TEPSIN: variants seen among roughly 807,000 people sequenced by gnomAD.
TEPSIN encodes the protein TEPSIN adaptor related protein complex 4 accessory protein.
TEPSIN carries 50 observed loss-of-function variants against 48.5 expected under a neutral mutation model. The ratio of observed to expected loss-of-function variants is 1.03; its 90% CI spans 0.82 to 1.31. The LOEUF (loss-of-function observed/expected upper bound fraction) is 1.31, where lower values mean the gene tolerates loss of function less well. Ranked by LOEUF, TEPSIN falls within the 50% of genes most tolerant of loss-of-function variation. The pLI is 0.00. For missense variants in TEPSIN, 838 were observed against 815.9 expected (o/e 1.03, Z -0.33); for synonymous variants, 392 against 358.8 (o/e 1.09, Z -1.05).
chr17:81,233,631 C>T lies in TEPSIN; in HGVS notation c.454+7G>A. 1 of 1,596,592 alleles carries T rather than the reference C, an allele frequency of 6.3e-7. No homozygotes were observed. Among genetic ancestry groups the T allele is most frequent in the Non-Finnish European group, 8.5e-7 (1 of 1,173,170 alleles). On this transcript the variant is annotated splice_region_variant and intron_variant, in intron 6 of 12. Coordinates refer to ENST00000637944, the MANE Select transcript of TEPSIN (RefSeq NM_001363764.2). This position sits in a 1 kb window ranked among gnomAD's most constrained non-coding sequence, Gnocchi z 5.8. ...CAGAGCTGGACACGGTCCCCTCAGT[C>T]ACCTACCTGTGGCAGGCGGGGTCCC... is the stretch of plus-strand genomic sequence containing the variant.
At position 81,229,408 on chromosome 17, in the gene TEPSIN, G is replaced by A. The variant is rs1377494312; in HGVS notation, c.1302C>T (p.Gly434=). The A allele has an allele frequency of 3.8e-5, 59 of 1,550,548 alleles. 1 individual carries two copies. The highest frequency in any genetic ancestry group is 4.8e-5 in the Non-Finnish European group (55 of 1,147,326). Residue 434 remains glycine (G), a synonymous_variant, in exon 13 of 13, where the codon GGC becomes GGT. Transcript: ENST00000637944. ...SPARGTSAEP[G]PTAALPGPSD... is the part of the protein sequence containing the mutation. Reference sequence around the variant, plus strand: ...ATGGGCCTGGGAGGGCGGCTGTGGGGCCAGGCTCAGCTGAGGTGCCCCGGG... The same window carrying A: ...ATGGGCCTGGGAGGGCGGCTGTGGGACCAGGCTCAGCTGAGGTGCCCCGGG...
At chr17:81,232,558 C>T (rs954496476) in intron 7 of TEPSIN, 40 bp from the exon 8 acceptor site, 17 of 1,501,354 alleles carry the variant, frequency 1.1e-5, no homozygotes, top group East Asian at 7.5e-5. Flanking sequence ...CCGCCCAGTG[C>T]GGCCCCCACC....
chr17:81,232,778 T>G, intron 7 of TEPSIN: 1 of 473,514 alleles, frequency 2.1e-6, no homozygotes, highest in South Asian at 3.5e-5. Flanking sequence ...CCTCTGGGGG[T>G]GAAGGTGTCC....
In TEPSIN at chr17:81,230,473, C is replaced by T; in HGVS notation, c.1233+71G>A. ...CAGGCGCCGGGCAGGGACGGGGTGG[C>T]CGTGGACTGCAGCGTATCTCCCACT... On this transcript the variant is annotated intron_variant, in intron 12 of 12. Transcript: ENST00000637944. The surrounding 1 kb of genome is among the most constrained non-coding windows in gnomAD (Gnocchi z 4.2). The T allele has an allele frequency of 2.5e-6, 4 of 1,574,410 alleles. No individual in the cohort carries two copies. Among genetic ancestry groups the T allele is most frequent in the Admixed American group, 1.7e-5 (1 of 57,912 alleles).
Position 81,232,329 on chromosome 17 carries a change from A to C in TEPSIN, c.716T>G (p.Ile239Ser), listed in dbSNP as rs2062631806. 1 of 1,529,618 alleles carries C rather than the reference A, an allele frequency of 6.5e-7. No homozygotes were observed. Among genetic ancestry groups the C allele is most frequent in the South Asian group, 1.2e-5 (1 of 83,792 alleles). The allele number at this position is 1,529,618 out of a possible 1,614,324, so 94.8% of individuals were successfully genotyped here. ...PTLGNLLPGA[I>S]PGPRAVRHQP... ...CGCCTCGATACCTCGGGGACCTGGA[A>C]TGGCCCCGGGGAGTAGGTTCCCCAG... is the stretch of plus-strand genomic sequence containing the variant. Residue 239 changes from isoleucine (I) to serine (S), a missense_variant, in exon 8 of 13, where the codon ATT (isoleucine) becomes AGT (serine). Coordinates refer to ENST00000637944, the MANE Select transcript of TEPSIN (RefSeq NM_001363764.2).
rs1172733326 is a variant in TEPSIN, at chr17:81,231,644, A to G, written c.953T>C (p.Val318Ala). The G allele has an allele frequency of 6.2e-7, 1 of 1,613,068 alleles. No homozygotes were observed. The highest frequency in any genetic ancestry group is 2.2e-5 in the East Asian group (1 of 44,848). ...GCGTGGTCCCCGAGTCACAGTCCTC[A>G]CCAAGCTCAACTCCTGCTGACAGTC... ...LSDCQQELSL[V>A]RTVTRGPRAF... is the part of the protein sequence containing the mutation. Residue 318 changes from valine (V) to alanine (A), a missense_variant, in exon 10 of 13, where the codon GTG becomes GCG. Physicochemically the swap from Val to Ala is moderately conservative, Grantham distance 64. Coordinates refer to ENST00000637944, the MANE Select transcript of TEPSIN (RefSeq NM_001363764.2).
chr17:81,233,502 G>A lies in TEPSIN; in HGVS notation c.456C>T (p.Gly152=). 1 of 1,598,410 alleles carries A rather than the reference G, an allele frequency of 6.3e-7. No homozygotes were observed. Among genetic ancestry groups the A allele is most frequent in the Non-Finnish European group, 8.5e-7 (1 of 1,171,706 alleles). The change falls in exon 7 of 13, where the codon GGC becomes GGT. Residue 152 remains glycine (G), a splice_region_variant and synonymous_variant. Coordinates refer to ENST00000637944, the MANE Select transcript of TEPSIN (RefSeq NM_001363764.2). This position sits in a 1 kb window ranked among gnomAD's most constrained non-coding sequence, Gnocchi z 5.8. ...SQPLGTPPAT[G]MGSQARPHST... is the part of the protein sequence containing the mutation. ...TGTGCGGCCTGGCCTGGGAGCCCATGCCTGCAGAGGGTCCTCCGTTAGCAG... is the reference window on the plus strand; with the variant it reads ...TGTGCGGCCTGGCCTGGGAGCCCATACCTGCAGAGGGTCCTCCGTTAGCAG...
rs980980478 is a variant in TEPSIN, at chr17:81,233,940, A to T, written c.375+41T>A. ...GGCCCCAATCCCACCCCTCTACAGG[A>T]GGAGGGGCACCCCGCAGAGCGACAC... On this transcript the variant is annotated intron_variant, in intron 5 of 12. Coordinates refer to ENST00000637944, the MANE Select transcript of TEPSIN (RefSeq NM_001363764.2). The surrounding 1 kb of genome is among the most constrained non-coding windows in gnomAD (Gnocchi z 5.8). 15 of 1,572,902 alleles carry T rather than the reference A, an allele frequency of 9.5e-6. No homozygotes were observed. The highest frequency in any genetic ancestry group is 1.4e-5 in the African/African-American group (1 of 72,764).
intron 2 of TEPSIN, 147 bp from the exon 3 acceptor site, chr17:81,237,218 C>T: frequency 1.7e-6 from 2 of 1,165,078 alleles, no homozygotes; most frequent in South Asian, 1.4e-5. Flanking sequence ...CTTCTAGGGT[C>T]CCCTGTGTCA....
At chr17:81,238,929 A>G in intron 1 of TEPSIN, 57 bp downstream of exon 1, 1 of 1,401,960 alleles carries the variant, frequency 7.1e-7, no homozygotes, top group Non-Finnish European at 9.2e-7. Flanking sequence ...AGTCCGGGGA[A>G]TGCGGCGCTC....
At chr17:81,236,536 G>GCAGGT in intron 4 of TEPSIN, 172 bp downstream of exon 4, 1 of 707,626 alleles carries the variant, frequency 1.4e-6, no homozygotes, top group East Asian at 2.7e-5. Context: ...AGGGTGGGCA[G>GCAGGT]CAGGTGGAGA....
intron 4 of TEPSIN, among the ~76,000 whole-genome samples, chr17:81,235,789 C>T (rs2062710027): frequency 6.6e-6 from 1 of 152,230 alleles, no homozygotes; most frequent in African/African-American, 2.4e-5. Context: ...CCCGCACTGC[C>T]GTCCCCTCAG....
chr17:81,233,612 T>C lies in TEPSIN; in HGVS notation c.454+26A>G. ...GGAGGCAGAAACCAGGTGCCAGAGC[T>C]GGACACGGTCCCCTCAGTCACCTAC... On this transcript the variant is annotated intron_variant, in intron 6 of 12. Transcript: ENST00000637944. The surrounding 1 kb of genome is among the most constrained non-coding windows in gnomAD (Gnocchi z 5.8). 6.3e-7 allele frequency: 1 copy of C among 1,585,432 alleles called. No individual in the cohort carries two copies. The highest frequency in any genetic ancestry group is 2.3e-5 in the East Asian group (1 of 44,032).
Position 81,230,797 on chromosome 17 carries a change from G to T in TEPSIN, c.1099-119C>A. On this transcript the variant is annotated intron_variant, in intron 11 of 12. Transcript: ENST00000637944. The surrounding 1 kb of genome is among the most constrained non-coding windows in gnomAD (Gnocchi z 4.2). ...TCATCAATGACTGGAGTGCCAGGAG[G>T]CCCCAGAGACAGCTCCACCACAGCC... The T allele has an allele frequency of 2.3e-6, 3 of 1,325,574 alleles. No individual in the cohort carries two copies. Among genetic ancestry groups the T allele is most frequent in the South Asian group, 1.5e-5 (1 of 64,602 alleles). 82.1% of individuals were successfully genotyped at this position (1,325,574 alleles called of 1,614,324 possible).
In TEPSIN at chr17:81,230,606, G is replaced by C. The variant is rs200261832; in HGVS notation, c.1171C>G (p.Arg391Gly). 3 of 1,608,004 alleles carry C rather than the reference G, an allele frequency of 1.9e-6. No individual in the cohort carries two copies. Among genetic ancestry groups the C allele is most frequent in the Non-Finnish European group, 2.5e-6 (3 of 1,177,212 alleles). ...LPQEHILLRT[R>G]PWLQELSMGS... ...ATGCTGAGCTCCTGCAGCCACGGCC[G>C]GGTGCGGAGGAGGATGTGCTCCTGG... Residue 391 changes from arginine (R) to glycine (G), a missense_variant, in exon 12 of 13, where the codon CGG (arginine) becomes GGG (glycine). Arg to Gly is a moderately radical substitution (Grantham distance 125). Transcript: ENST00000637944. This position sits in a 1 kb window ranked among gnomAD's most constrained non-coding sequence, Gnocchi z 4.2.
At chr17:81,236,053 G>A (rs376492004) in intron 4 of TEPSIN, among the ~76,000 whole-genome samples, 6 of 152,286 alleles carry the variant, frequency 3.9e-5, no homozygotes, top group East Asian at 3.9e-4. Flanking sequence ...GACATGGTGC[G>A]CCCAGTGACC....
intron 1 of TEPSIN, chr17:81,238,249 G>A (rs2062762117): frequency 1.1e-6 from 1 of 884,034 alleles, no homozygotes; most frequent in Admixed American, 6.2e-5. Flanking sequence ...CACGCCCTAA[G>A]GGGAGCTGCT....
In TEPSIN at chr17:81,228,911, A is replaced by G; in HGVS notation, c.*17T>C. ...GACAGCAGCTGAAGCTGAAGACTCC[A>G]GGGCCAGGCCATCGGGTCAGGCGTT... On this transcript the variant is annotated 3_prime_UTR_variant, in exon 13 of 13. Transcript: ENST00000637944. The G allele has an allele frequency of 6.2e-7, 1 of 1,612,072 alleles. No homozygotes were observed. The highest frequency in any genetic ancestry group is 8.5e-7 in the Non-Finnish European group (1 of 1,179,922).
chr17:81,231,034 C>T (rs551086383), intron 11 of TEPSIN: 110 of 433,416 alleles, frequency 2.5e-4, no homozygotes, highest in African/African-American at 1.7e-3. Context: ...TTCCTCCGCA[C>T]GCCCCCCGAC....
Sources: gnomAD v4.1 joint callset for allele counts (sites outside exome capture counted in the v4.1 genomes callset) on GRCh38, gnomAD v4.1.1 for gene constraint, Gnocchi (gnomAD v3.1) non-coding constraint, MANE v1.5 for transcripts, NCBI Gene and HGNC (gene_info 2026-07-23, HGNC 2026-07-21) for gene names.